Variants in SPSB4 observed in about 807,000 individuals in gnomAD.
The protein encoded by SPSB4 is splA/ryanodine receptor domain and SOCS box containing 4.
In SPSB4, 21 loss-of-function variants were observed where a neutral mutation model predicts 20.9. The observed-to-expected ratio is 1.01, with a 90% CI of 0.71 to 1.45. SPSB4 has a LOEUF of 1.45. SPSB4 is among the 40% of genes most tolerant of loss of function. The probability of loss-of-function intolerance (pLI) is 0.00; values close to 1 mark genes in which losing one functional copy is unlikely to be tolerated. For missense variants in SPSB4, 399 were observed against 399.2 expected (o/e 1.00, Z 0.00); for synonymous variants, 207 against 183.8 (o/e 1.13, Z -1.02).
chr3:141,104,830 C>G (rs1328377458), intron 2 of SPSB4, among the ~76,000 whole-genome samples: 2 of 152,232 alleles, frequency 1.3e-5, no homozygotes, highest in Non-Finnish European at 2.9e-5. Flanking sequence ...AATAAAGCGT[C>G]ACAGAATTTG....
intron 2 of SPSB4, among the ~76,000 whole-genome samples, chr3:141,106,655 A>C (rs1295685789): frequency 2.0e-5 from 3 of 152,218 alleles, no homozygotes; most frequent in South Asian, 2.1e-4. Flanking sequence ...TGCTTTTGTC[A>C]CTGAGTAATT....
intron 1 of SPSB4, among the ~76,000 whole-genome samples, chr3:141,052,414 T>C (rs1177418468): frequency 6.6e-6 from 1 of 152,150 alleles, no homozygotes; most frequent in African/African-American, 2.4e-5. Context: ...TGTTCGTAGG[T>C]AGACATGTGC....
intron 2 of SPSB4, among the ~76,000 whole-genome samples, chr3:141,086,625 A>G (rs1157689103): frequency 6.6e-6 from 1 of 152,230 alleles, no homozygotes; most frequent in African/African-American, 2.4e-5. Context: ...TTACTCTTCT[A>G]AGCCCCAGTT....
intron 2 of SPSB4, chr3:141,077,239 A>C (rs1938132806): frequency 6.6e-6 from 1 of 152,230 alleles, no homozygotes; most frequent in Non-Finnish European, 1.5e-5. Context: ...AAGCCGAGAC[A>C]GCGTGAGCTT....
At chr3:141,084,778 G>A (rs982345683) in intron 2 of SPSB4, among the ~76,000 whole-genome samples, 1 of 152,180 alleles carries the variant, frequency 6.6e-6, no homozygotes, top group Non-Finnish European at 1.5e-5. Context: ...AGCTGCTGGA[G>A]CTTCTATAGC....
intron 2 of SPSB4, among the ~76,000 whole-genome samples, chr3:141,087,142 CAGG>C (rs1938360330): frequency 6.6e-6 from 1 of 152,216 alleles, no homozygotes; most frequent in Non-Finnish European, 1.5e-5. Flanking sequence ...GACCCTTATT[CAGG>C]AGGATGAGCT....
intron 2 of SPSB4, among the ~76,000 whole-genome samples, chr3:141,113,692 T>C (rs750151719): frequency 1.3e-5 from 2 of 152,232 alleles, no homozygotes; most frequent in Admixed American, 6.5e-5. Context: ...GACTGCTTAA[T>C]GGGCACAGGG....
chr3:141,123,506 G>A (rs898632883), intron 2 of SPSB4, among the ~76,000 whole-genome samples: 10 of 152,192 alleles, frequency 6.6e-5, no homozygotes, highest in African/African-American at 2.4e-4. Flanking sequence ...CAATGTCATT[G>A]CTACAGTGTT....
chr3:141,141,696 AT>A (rs1290496421), intron 2 of SPSB4, among the ~76,000 whole-genome samples: 1 of 152,062 alleles, frequency 6.6e-6, no homozygotes, highest in Admixed American at 6.6e-5. Context: ...TTTGGTGGCA[AT>A]TTTTTATTAC....
At position 141,066,305 on chromosome 3, in the gene SPSB4, C is replaced by A. The variant is rs79626891; in HGVS notation, c.201C>A (p.Val67=). The A allele has an allele frequency of 3.2e-6, 5 of 1,574,428 alleles. No individual in the cohort carries two copies. The East Asian group carries it at 1.2e-4, about 38-fold the overall frequency. ...NPEDRSLNVF[V]KDDDRLTFHR... ...AGGACCGCTCGCTCAACGTCTTCGT[C>A]AAGGACGACGACCGGCTCACCTTCC... Residue 67 remains valine (V), a synonymous_variant, in exon 2 of 3, where the codon GTC becomes GTA. Transcript: ENST00000310546.
At chr3:141,101,591 C>T (rs1039920966) in intron 2 of SPSB4, among the ~76,000 whole-genome samples, 1 of 152,192 alleles carries the variant, frequency 6.6e-6, no homozygotes, top group Non-Finnish European at 1.5e-5. Flanking sequence ...TCGCAAAGTT[C>T]TCCTAAGGAT....
At chr3:141,102,237 T>C (rs1170292373) in intron 2 of SPSB4, among the ~76,000 whole-genome samples, 1 of 152,160 alleles carries the variant, frequency 6.6e-6, no homozygotes, top group Admixed American at 6.5e-5. Context: ...GAGTAATATA[T>C]ACAGAGCAGG....
At chr3:141,135,508 C>G (rs909749974) in intron 2 of SPSB4, among the ~76,000 whole-genome samples, 1 of 150,242 alleles carries the variant, frequency 6.7e-6, no homozygotes, top group African/African-American at 2.5e-5. Flanking sequence ...CCACCCCACA[C>G]CAGTCCCCGG....
chr3:141,084,728 C>T (rs907912598), intron 2 of SPSB4, among the ~76,000 whole-genome samples: 2 of 152,240 alleles, frequency 1.3e-5, no homozygotes, highest in Non-Finnish European at 2.9e-5. Flanking sequence ...GCTGCTATCT[C>T]TCCCTCCTCC....
At chr3:141,085,914 T>G (rs565172279) in intron 2 of SPSB4, among the ~76,000 whole-genome samples, 1 of 152,360 alleles carries the variant, frequency 6.6e-6, no homozygotes, top group African/African-American at 2.4e-5. Flanking sequence ...GGTGAAGGGT[T>G]TCTTGGTGCT....
intron 2 of SPSB4, among the ~76,000 whole-genome samples, chr3:141,123,038 G>A (rs1244223610): frequency 6.6e-6 from 1 of 152,194 alleles, no homozygotes; most frequent in Non-Finnish European, 1.5e-5. Context: ...CTTGCTGGGA[G>A]CTGCAGACCA....
chr3:141,143,208 A>G (rs1161540049), intron 2 of SPSB4, among the ~76,000 whole-genome samples: 1 of 152,060 alleles, frequency 6.6e-6, no homozygotes, highest in Admixed American at 6.6e-5. Flanking sequence ...TTCCATTTGC[A>G]TGGAATATCT....
intron 2 of SPSB4, 51 bp from the exon 3 acceptor site, chr3:141,147,091 A>AG: frequency 6.2e-7 from 1 of 1,604,584 alleles, no homozygotes; most frequent in Non-Finnish European, 8.5e-7. Context: ...TGGGATGAGA[A>AG]GGTGCCAGGA....
intron 1 of SPSB4, among the ~76,000 whole-genome samples, chr3:141,056,847 GT>G (rs1305855813): frequency 6.6e-6 from 1 of 152,244 alleles, no homozygotes; most frequent in Non-Finnish European, 1.5e-5. Flanking sequence ...CGGACTGCAC[GT>G]GGCCTTGCTG....
Sources: gnomAD v4.1 joint callset for allele counts (sites outside exome capture counted in the v4.1 genomes callset) on GRCh38, gnomAD v4.1.1 for gene constraint, MANE v1.5 for transcripts, NCBI Gene and HGNC (gene_info 2026-07-23, HGNC 2026-07-21) for gene names.